Variants in FAM186B observed in about 807,000 individuals in gnomAD.
The protein encoded by FAM186B is family with sequence similarity 186 member B.
A neutral mutation model predicts 83.4 loss-of-function variants in FAM186B; 68 were observed. The ratio of observed to expected loss-of-function variants is 0.81; its 90% confidence interval spans 0.67 to 1.00. FAM186B has a LOEUF of 1.00. Among genes scored for constraint, FAM186B ranks in the 50% least tolerant of loss-of-function variants. FAM186B has a pLI of 0.00. For synonymous variants in FAM186B, 389 were observed against 422.0 expected (o/e 0.92, Z 0.96); for missense variants, 983 against 1,099.2 (o/e 0.89, Z 1.49).
chr12:49,607,503 A>C (rs1013558977), upstream of FAM186B, among the ~76,000 whole-genome samples: 4 of 152,172 alleles, frequency 2.6e-5, no homozygotes, highest in African/African-American at 9.7e-5. Flanking sequence ...AATATCCGTA[A>C]ATCTACTAAA....
chr12:49,584,667 G>A, downstream of FAM186B: 1 of 701,356 alleles, frequency 1.4e-6, no homozygotes, highest in Non-Finnish European at 2.6e-6. Flanking sequence ...CAAGGCCCAG[G>A]CCATGTGAGT....
upstream of FAM186B, among the ~76,000 whole-genome samples, chr12:49,608,049 GA>G (rs1218221773): frequency 3.3e-5 from 5 of 150,582 alleles, no homozygotes; most frequent in African/African-American, 9.7e-5. Context: ...GACAAGAAAA[GA>G]AAAAAAAGTA....
chr12:49,585,486 C>T (rs569979759), downstream of FAM186B, among the ~76,000 whole-genome samples: 5 of 152,196 alleles, frequency 3.3e-5, no homozygotes, highest in East Asian at 9.6e-4. Flanking sequence ...GCTTGTAAGA[C>T]AAAGCTGAAA....
rs747438653 is a variant in FAM186B, at chr12:49,587,757, G to C, written c.2535-5C>G. The C allele has an allele frequency of 6.2e-7, 1 of 1,609,766 alleles. No homozygotes were observed. The highest frequency in any genetic ancestry group is 1.3e-5 in the African/African-American group (1 of 74,654). On this transcript the variant is annotated splice_region_variant and splice_polypyrimidine_tract_variant and intron_variant, in intron 6 of 6. Coordinates refer to ENST00000257894, the MANE Select transcript of FAM186B (RefSeq NM_032130.3). Reference sequence around the variant, plus strand: ...TCCATCTGCTTCCCCTGTTGGCTGGGAGTGGGGAGTTTGGAGAATGTGAAA... The same window carrying C: ...TCCATCTGCTTCCCCTGTTGGCTGGCAGTGGGGAGTTTGGAGAATGTGAAA...
chr12:49,616,657 C>A, the FAM186B span, among the ~76,000 whole-genome samples: 1 of 152,058 alleles, frequency 6.6e-6, no homozygotes, highest in Non-Finnish European at 1.5e-5. Context: ...ATATGAAATT[C>A]TAGGAAGGCA....
intron 5 of FAM186B, among the ~76,000 whole-genome samples, chr12:49,596,744 G>A (rs1939736123): frequency 6.6e-6 from 1 of 152,178 alleles, no homozygotes; most frequent in Admixed American, 6.5e-5. Context: ...AATTAAAAAT[G>A]AAATTACTAT....
At chr12:49,589,098 A>G (rs146627510) in intron 5 of FAM186B, among the ~76,000 whole-genome samples, 2 of 152,344 alleles carry the variant, frequency 1.3e-5, no homozygotes, top group East Asian at 1.9e-4. Flanking sequence ...CAGCCAGTCA[A>G]GATGCCTCTA....
chr12:49,608,062 T>C (rs1940052912), upstream of FAM186B, among the ~76,000 whole-genome samples: 1 of 151,836 alleles, frequency 6.6e-6, no homozygotes, highest in Admixed American at 6.6e-5. Context: ...AAAAAAGTAC[T>C]ACAGACTAAT....
At chr12:49,619,836 A>G in the FAM186B span, among the ~76,000 whole-genome samples, 2 of 151,044 alleles carry the variant, frequency 1.3e-5, no homozygotes, top group Non-Finnish European at 3.0e-5. Context: ...CACCACGCCC[A>G]GCTAATTTTT....
downstream of FAM186B, chr12:49,583,731 G>A (rs1451145915): frequency 1.3e-5 from 2 of 152,900 alleles, no homozygotes; most frequent in Non-Finnish European, 2.9e-5. Context: ...GCTGGACATG[G>A]GTTCTCTGAG....
At chr12:49,608,491 C>CAAA (rs546459596), upstream of FAM186B, among the ~76,000 whole-genome samples, 6 of 81,058 alleles carry the variant, frequency 7.4e-5, no homozygotes, top group Non-Finnish European at 1.3e-4. Flanking sequence ...ACTCCGTCTC[C>CAAA]AAAAAAAAAA....
chr12:49,619,586 CGGGAATTCTG>C, the FAM186B span: 10 of 636,292 alleles, frequency 1.6e-5, no homozygotes, highest in Middle Eastern at 9.3e-4. Flanking sequence ...TTCCATGTAT[CGGGAATTCTG>C]GGCAAAACCT....
chr12:49,603,669 A>G (rs1204075261), intron 2 of FAM186B, among the ~76,000 whole-genome samples: 1 of 152,214 alleles, frequency 6.6e-6, no homozygotes, highest in African/African-American at 2.4e-5. Context: ...CTGACTTGTT[A>G]CTGCTCTATG....
the FAM186B span, among the ~76,000 whole-genome samples, chr12:49,613,227 C>T: frequency 6.6e-6 from 1 of 152,122 alleles, no homozygotes; most frequent in South Asian, 2.1e-4. Flanking sequence ...TAAATGCCTA[C>T]CTCAAAAAGT....
chr12:49,603,681 C>G (rs185965263), intron 2 of FAM186B, among the ~76,000 whole-genome samples: 1 of 152,122 alleles, frequency 6.6e-6, no homozygotes, highest in African/African-American at 2.4e-5. Flanking sequence ...TGCTCTATGC[C>G]GATTGCCTAG....
Position 49,587,680 on chromosome 12 carries a change from CT to C in FAM186B, c.2606del (p.Lys869ArgfsTer11), listed in dbSNP as rs768823856. The C allele has an allele frequency of 6.2e-7, 1 of 1,614,030 alleles. No individual in the cohort carries two copies. The highest frequency in any genetic ancestry group is 1.1e-5 in the South Asian group (1 of 91,080). On this transcript the variant is annotated frameshift_variant, in exon 7 of 7. Transcript: ENST00000257894. LOFTEE classifies it low-confidence loss of function (END_TRUNC). ...GGTCCCGGGGAAGGCTGGCAGGGGTCTTTTTTTCTATTGCGTAACTGGAGGA... is the reference window on the plus strand; with the variant it reads ...GGTCCCGGGGAAGGCTGGCAGGGGTCTTTTTTCTATTGCGTAACTGGAGGA... Reference protein sequence around the residue: ...VASSSYAIEKKTPASLPRDQL... With the variant: ...VASSSYAIEKXTPASLPRDQL...
At chr12:49,609,208 T>G (rs1940061389), upstream of FAM186B, among the ~76,000 whole-genome samples, 1 of 152,190 alleles carries the variant, frequency 6.6e-6, no homozygotes, top group Admixed American at 6.5e-5. Context: ...TGGTGACCTG[T>G]GGACTGGTCT....
At position 49,599,751 on chromosome 12, in the gene FAM186B, T is replaced by C. The variant is rs1322539630; in HGVS notation, c.1889A>G (p.Lys630Arg). Residue 630 changes from lysine (K) to arginine (R), a missense_variant, in exon 4 of 7, where the codon AAG (lysine) becomes AGG (arginine). Lys to Arg is a conservative substitution (Grantham distance 26, BLOSUM62 2). Transcript: ENST00000257894. ...PRTRRVPTKP[K>R]KSASFPVTGT... The stretch of plus-strand genomic sequence containing the variant: ...AGTGACAGGAAAGGAGGCAGATTTC[T>C]TGGGCTTTGTGGGAACTCGGCGGGT... The C allele has an allele frequency of 1.9e-6, 3 of 1,614,176 alleles. No individual in the cohort carries two copies. Among genetic ancestry groups the C allele is most frequent in the African/African-American group, 1.3e-5 (1 of 75,050 alleles).
the FAM186B span, among the ~76,000 whole-genome samples, chr12:49,615,306 GA>G: frequency 5.3e-5 from 8 of 151,928 alleles, no homozygotes; most frequent in African/African-American, 1.9e-4. Flanking sequence ...ATTACAAATG[GA>G]AAAAAGTAAA....
Sources: gnomAD v4.1 joint callset for allele counts (sites outside exome capture counted in the v4.1 genomes callset) on GRCh38, gnomAD v4.1.1 for gene constraint, MANE v1.5 for transcripts, NCBI Gene and HGNC (gene_info 2026-07-23, HGNC 2026-07-21) for gene names.